Variants in PCGF3 observed in about 807,000 individuals in gnomAD.
PCGF3 encodes the protein polycomb group RING finger protein 3.
In PCGF3, 7 loss-of-function variants were observed where a neutral mutation model predicts 33.1. The ratio of observed to expected loss-of-function variants is 0.21; its 90% CI spans 0.12 to 0.40. PCGF3 has a LOEUF of 0.40. Among genes scored for constraint, PCGF3 ranks in the 10% least tolerant of loss-of-function variants. The pLI is 1.00. For missense variants in PCGF3, 211 were observed against 313.3 expected (o/e 0.67, Z 2.46); for synonymous variants, 153 against 121.3 (o/e 1.26, Z -1.72).
Position 744,638 on chromosome 4 carries a change from G to T in PCGF3, c.412G>T (p.Ala138Ser), listed in dbSNP as rs960588934. Residue 138 changes from alanine (A) to serine (S), a missense_variant, in exon 8 of 11, where the codon GCG (alanine) becomes TCG (serine). Ala to Ser is a moderately conservative substitution (Grantham distance 99). Coordinates refer to ENST00000362003, the Ensembl canonical transcript of PCGF3. The stretch of plus-strand genomic sequence containing the variant: ...AGACGACAGTTCAAACAAAGAGGCC[G>T]CGGAGGAGAAGCCGGAGGAGGACAA... 11 of 1,562,062 alleles carry T rather than the reference G, an allele frequency of 7.0e-6. No individual in the cohort carries two copies. In the East Asian group the frequency reaches 9.6e-5, roughly 14 times the overall value.
intron 1 of PCGF3, among the ~76,000 whole-genome samples, chr4:709,154 A>G (rs1185378095): frequency 1.3e-5 from 2 of 152,162 alleles, no homozygotes; most frequent in Non-Finnish European, 2.9e-5. Context: ...CTGCTCCCAG[A>G]GGGTGCCGTG....
chr4:757,050 T>G (rs898691777), intron 8 of PCGF3: 4 of 152,256 alleles, frequency 2.6e-5, no homozygotes, highest in African/African-American at 9.6e-5. Context: ...TTTAATTTTG[T>G]TCTCATCTCT....
At chr4:753,616 C>G (rs1465093229) in intron 8 of PCGF3, among the ~76,000 whole-genome samples, 1 of 150,060 alleles carries the variant, frequency 6.7e-6, no homozygotes, top group African/African-American at 2.5e-5. Flanking sequence ...GCACTCCAGC[C>G]TGGGCGACAG....
chr4:743,741 C>G (rs1184340016), intron 7 of PCGF3, 157 bp downstream of exon 7: 12 of 575,716 alleles, frequency 2.1e-5, no homozygotes, highest in Non-Finnish European at 3.8e-5. Flanking sequence ...CAAGGCGTTC[C>G]TCCTCACTCC....
intron 4 of PCGF3, 92 bp downstream of exon 4, chr4:733,881 T>C (rs1428663131): frequency 6.2e-7 from 1 of 1,603,154 alleles, no homozygotes; most frequent in African/African-American, 1.3e-5. Flanking sequence ...CACACGCTTT[T>C]AGCTCAAGCC....
At chr4:739,876 C>G in intron 6 of PCGF3, among the ~76,000 whole-genome samples, 1 of 152,234 alleles carries the variant, frequency 6.6e-6, no homozygotes, top group Admixed American at 6.5e-5. Flanking sequence ...TCCAGATTGA[C>G]ACCCCCAGGG....
At chr4:750,976 G>C (rs1233225140) in intron 8 of PCGF3, among the ~76,000 whole-genome samples, 3 of 152,066 alleles carry the variant, frequency 2.0e-5, no homozygotes, top group African/African-American at 4.8e-5. Context: ...GGAGGCCTTT[G>C]CTTTGCTTTT....
intron 8 of PCGF3, among the ~76,000 whole-genome samples, chr4:748,426 C>T (rs941801095): frequency 1.3e-5 from 2 of 152,168 alleles, no homozygotes; most frequent in Non-Finnish European, 1.5e-5. Flanking sequence ...TCTCGAACTT[C>T]TGGCCCGCCT....
chr4:754,279 C>G (rs1025905913), intron 8 of PCGF3, among the ~76,000 whole-genome samples: 1 of 152,224 alleles, frequency 6.6e-6, no homozygotes, highest in Non-Finnish European at 1.5e-5. Context: ...TTTGTTTTCA[C>G]TCCTCCGAGT....
At chr4:715,758 C>T (rs1357660225) in intron 1 of PCGF3, among the ~76,000 whole-genome samples, 1 of 64,868 alleles carries the variant, frequency 1.5e-5, no homozygotes, top group Non-Finnish European at 3.4e-5. Context: ...ACCCTGTGGA[C>T]ACTGTGAGTG....
At chr4:733,323 C>A (rs1329045056) in intron 3 of PCGF3, among the ~76,000 whole-genome samples, 2 of 152,206 alleles carry the variant, frequency 1.3e-5, no homozygotes, top group African/African-American at 4.8e-5. Flanking sequence ...CCTGCTCCTT[C>A]CGCTTTCACA....
In PCGF3 at chr4:758,204, CTG is replaced by C. The variant is rs1160967339; in HGVS notation, c.463-3073_463-3072del. On this transcript the variant is annotated intron_variant, in intron 8 of 10. Transcript: ENST00000362003. ...AAAAAAAAAAAAAAGTCCAAAGTCACTGTAAGTCTGTGCCCCTCCCTGCACAA... is the reference window on the plus strand; with the variant it reads ...AAAAAAAAAAAAAAGTCCAAAGTCACTAAGTCTGTGCCCCTCCCTGCACAA... 3.4e-5 allele frequency among the ~76,000 whole-genome samples: 5 copies of C among 147,418 alleles called. No individual in the cohort carries two copies. In the South Asian group the frequency reaches 6.5e-4, roughly 19 times the overall value.
chr4:765,166 G>C, intron 10 of PCGF3, 102 bp downstream of exon 10: 1 of 783,000 alleles, frequency 1.3e-6, no homozygotes, highest in Non-Finnish European at 2.2e-6. Context: ...GGGTGCAGTG[G>C]CTCATGCCTG....
chr4:719,409 C>T (rs768825393), intron 1 of PCGF3, among the ~76,000 whole-genome samples: 2 of 152,196 alleles, frequency 1.3e-5, no homozygotes, highest in Admixed American at 1.3e-4. Context: ...TGAGAACCCT[C>T]GGTGCCTGGA....
Position 748,685 on chromosome 4 carries a change from G to A in PCGF3, c.462+3997G>A, listed in dbSNP as rs565557168. Among the ~76,000 whole-genome samples, 110 of 152,238 alleles carry A rather than the reference G, an allele frequency of 7.2e-4. 1 individual carries two copies. The highest frequency in any genetic ancestry group is 2.5e-3 in the African/African-American group (102 of 41,550). On this transcript the variant is annotated intron_variant, in intron 8 of 10. Coordinates refer to ENST00000362003, the Ensembl canonical transcript of PCGF3. ...AATCACCTTCTTCTTTCATGACCCC[G>A]GTTTCACTGCCATGCCTGGTTTCCG...
chr4:753,848 G>A (rs1260725694), intron 8 of PCGF3, among the ~76,000 whole-genome samples: 1 of 152,106 alleles, frequency 6.6e-6, no homozygotes, highest in East Asian at 1.9e-4. Context: ...CTCGGAGGCT[G>A]AGGCATGAGA....
Position 716,601 on chromosome 4 carries a change from G to T in PCGF3, c.-190+10631G>T, listed in dbSNP as rs1363882770. Among the ~76,000 whole-genome samples, 49 of 141,138 alleles carry T rather than the reference G, an allele frequency of 3.5e-4. 2 individuals are homozygous for T. The highest frequency in any genetic ancestry group is 1.1e-3 in the African/African-American group (42 of 37,054). 92.6% of individuals were successfully genotyped at this position (141,138 alleles called of 152,430 possible). A position where few individuals can be genotyped will look rare whatever the true frequency, so the allele number is the denominator to read the frequency against. On this transcript the variant is annotated intron_variant, in intron 1 of 10. Transcript: ENST00000362003. ...TGCTGGGACCCTGTAGACACTGAGTGTGAGAACTGGGTGTCGGTGCTGGGA... is the reference window on the plus strand; with the variant it reads ...TGCTGGGACCCTGTAGACACTGAGTTTGAGAACTGGGTGTCGGTGCTGGGA...
At chr4:711,476 A>G (rs1577392591) in intron 1 of PCGF3, among the ~76,000 whole-genome samples, 1 of 122,142 alleles carries the variant, frequency 8.2e-6, no homozygotes. Flanking sequence ...TTTGAGACGG[A>G]GTCTCGCTCT....
intron 4 of PCGF3, chr4:734,302 A>T: frequency 6.9e-7 from 1 of 1,448,170 alleles, no homozygotes; most frequent in Admixed American, 2.8e-5. Flanking sequence ...TCTTATGCTA[A>T]CCTGAGGCCC....
Sources: gnomAD v4.1 joint callset for allele counts (sites outside exome capture counted in the v4.1 genomes callset) on GRCh38, gnomAD v4.1.1 for gene constraint, MANE v1.5 for transcripts, NCBI Gene and HGNC (gene_info 2026-07-23, HGNC 2026-07-21) for gene names.